Variants in LSM14A observed in about 807,000 individuals in gnomAD.
LSM14A encodes protein LSM14 homolog A.
LSM14A carries 14 observed loss-of-function variants against 52.4 expected under a neutral mutation model. That is an observed-to-expected ratio of 0.27 (90% CI 0.18 to 0.42). LSM14A has a LOEUF of 0.42. Among genes scored for constraint, LSM14A ranks in the 10% least tolerant of loss-of-function variants. LSM14A has a pLI of 1.00. For synonymous variants in LSM14A, 185 were observed against 200.3 expected, an observed-to-expected ratio of 0.92 and a Z score of 0.64; for missense variants, 417 against 581.8, an observed-to-expected ratio of 0.72 and a Z score of 2.91.
intron 1 of LSM14A, among the ~76,000 whole-genome samples, chr19:34,175,117 T>C (rs900126471): frequency 6.6e-6 from 1 of 152,152 alleles, no homozygotes; most frequent in African/African-American, 2.4e-5. Context: ...CTTTGTGTCA[T>C]GACTTGATAA....
Position 34,217,615 on chromosome 19 carries a change from CCG to C in LSM14A, c.782-1775_782-1774del, listed in dbSNP as rs1568498289. On this transcript the variant is annotated intron_variant, in intron 6 of 9. Coordinates refer to ENST00000544216, the MANE Select transcript of LSM14A (RefSeq NM_015578.4). ...ATATATATTTTTATATCCCCCCCCCCCGTGTTTTTTTTTTTTTTTTTTTTTTT... is the reference window on the plus strand; with the variant it reads ...ATATATATTTTTATATCCCCCCCCCCTGTTTTTTTTTTTTTTTTTTTTTTT... 3.4e-3 allele frequency among the ~76,000 whole-genome samples: 87 copies of C among 25,504 alleles called. 6 individuals are homozygous for C. Among genetic ancestry groups the C allele is most frequent in the African/African-American group, 4.1e-3 (20 of 4,852 alleles). The allele number at this position is 25,504 out of a possible 152,430, so 16.7% of individuals were successfully genotyped here.
At chr19:34,199,979 C>T (rs1225958845) in intron 3 of LSM14A, among the ~76,000 whole-genome samples, 5 of 152,190 alleles carry the variant, frequency 3.3e-5, no homozygotes, top group African/African-American at 1.2e-4. Context: ...GTAACACAGA[C>T]ATCTGGTGGT....
At chr19:34,192,310 C>CTTTTTTTTTTT (rs1568479681) in intron 1 of LSM14A, among the ~76,000 whole-genome samples, 8 of 51,648 alleles carry the variant, frequency 1.5e-4, no homozygotes, top group Non-Finnish European at 2.9e-4. Context: ...AAATAACATT[C>CTTTTTTTTTTT]TTTTTGTTGT....
intron 1 of LSM14A, among the ~76,000 whole-genome samples, chr19:34,188,660 G>A (rs1422673324): frequency 6.6e-6 from 1 of 151,938 alleles, no homozygotes; most frequent in Admixed American, 6.6e-5. Context: ...CTGTCTCCAT[G>A]GTTTTTCCTA....
intron 8 of LSM14A, among the ~76,000 whole-genome samples, chr19:34,221,184 G>C (rs1276917655): frequency 6.6e-6 from 1 of 151,514 alleles, no homozygotes; most frequent in Non-Finnish European, 1.5e-5. Context: ...CCAGGTTCAG[G>C]TGATTCTCCT....
chr19:34,204,697 G>A (rs183823896), intron 3 of LSM14A, among the ~76,000 whole-genome samples: 21 of 152,188 alleles, frequency 1.4e-4, no homozygotes, highest in South Asian at 8.3e-4. Context: ...CAGGAAAGGC[G>A]ACAGAGCTAG....
chr19:34,205,294 C>T (rs1248897222), intron 3 of LSM14A, among the ~76,000 whole-genome samples: 1 of 151,654 alleles, frequency 6.6e-6, no homozygotes, highest in Non-Finnish European at 1.5e-5. Flanking sequence ...CGAGACCAGC[C>T]TGGCCAACAT....
At chr19:34,225,306 C>T (rs1394211366) in intron 9 of LSM14A, among the ~76,000 whole-genome samples, 1 of 152,168 alleles carries the variant, frequency 6.6e-6, no homozygotes, top group Non-Finnish European at 1.5e-5. Flanking sequence ...GCCCCGAACC[C>T]AGCAGCCCTA....
At chr19:34,209,076 T>C in intron 4 of LSM14A, 25 bp downstream of exon 4, 1 of 1,529,262 alleles carries the variant, frequency 6.5e-7, no homozygotes, top group African/African-American at 1.4e-5. Flanking sequence ...CCCTAAAATA[T>C]TTCCATTCTA....
chr19:34,194,268 G>C (rs986342409), intron 1 of LSM14A, among the ~76,000 whole-genome samples: 1 of 152,134 alleles, frequency 6.6e-6, no homozygotes, highest in African/African-American at 2.4e-5. Flanking sequence ...TCATAATACA[G>C]ATAGTCTTTT....
chr19:34,224,664 C>T (rs2073247557), intron 9 of LSM14A, among the ~76,000 whole-genome samples: 1 of 152,174 alleles, frequency 6.6e-6, no homozygotes, highest in Non-Finnish European at 1.5e-5. Context: ...GAGGATCCCA[C>T]TTGATATATT....
intron 3 of LSM14A, among the ~76,000 whole-genome samples, chr19:34,204,481 G>A (rs2071535336): frequency 6.6e-6 from 1 of 151,826 alleles, no homozygotes; most frequent in African/African-American, 2.4e-5. Flanking sequence ...GGTGGCCAAG[G>A]TGGGAGGATC....
intron 1 of LSM14A, among the ~76,000 whole-genome samples, chr19:34,190,886 G>T (rs143637586): frequency 0.024 from 3,681 of 151,706 alleles, 63 homozygotes; most frequent in Non-Finnish European, 0.035. Context: ...TTTTTTGTTT[G>T]TTTGTTTTGT....
Position 34,196,617 on chromosome 19 carries a change from T to C in LSM14A, c.286-17T>C. The C allele has an allele frequency of 6.3e-7, 1 of 1,578,106 alleles. No individual in the cohort carries two copies. On this transcript the variant is annotated splice_polypyrimidine_tract_variant and intron_variant, in intron 2 of 9. Coordinates refer to ENST00000544216, the MANE Select transcript of LSM14A (RefSeq NM_015578.4). ...GTTGCTTAGAGCTTGGAAACATAAC[T>C]CATGATTTTCCTTCAGTCCTCACTA...
chr19:34,209,145 C>T (rs1017482568), intron 4 of LSM14A, 94 bp downstream of exon 4: 86 of 1,085,016 alleles, frequency 7.9e-5, no homozygotes, highest in Non-Finnish European at 1.1e-4. Context: ...TTGTAAATCG[C>T]GTGTATAATT....
In LSM14A at chr19:34,214,729, G is replaced by C. The variant is rs528920550; in HGVS notation, c.539-395G>C. 7.9e-5 allele frequency among the ~76,000 whole-genome samples: 12 copies of C among 152,134 alleles called. No homozygotes were observed. In the South Asian group the frequency reaches 2.5e-3, roughly 32 times the overall value. ...TTAAAACAAGTCACCATAGTCTTATGGTTGTCATTGGCGAAAGCCTGTGTT... is the reference window on the plus strand; with the variant it reads ...TTAAAACAAGTCACCATAGTCTTATCGTTGTCATTGGCGAAAGCCTGTGTT... On this transcript the variant is annotated intron_variant, in intron 4 of 9. Coordinates refer to ENST00000544216, the MANE Select transcript of LSM14A (RefSeq NM_015578.4).
chr19:34,222,977 CACTG>C (rs2073143484), intron 9 of LSM14A, among the ~76,000 whole-genome samples: 1 of 152,312 alleles, frequency 6.6e-6, no homozygotes, highest in African/African-American at 2.4e-5. Flanking sequence ...CAATATTTGA[CACTG>C]ACCAACCACC....
chr19:34,216,546 G>A (rs533903670), intron 6 of LSM14A, among the ~76,000 whole-genome samples: 33 of 151,834 alleles, frequency 2.2e-4, no homozygotes, highest in Non-Finnish European at 4.0e-4. Context: ...GGCAGCCTCC[G>A]CCTCCCGGGT....
At chr19:34,177,605 G>T (rs976428400) in intron 1 of LSM14A, among the ~76,000 whole-genome samples, 2 of 152,138 alleles carry the variant, frequency 1.3e-5, no homozygotes, top group Non-Finnish European at 1.5e-5. Flanking sequence ...AAAACATCCC[G>T]GCTGGGCAGG....
Sources: allele counts gnomAD v4.1 joint callset (sites outside exome capture counted in the v4.1 genomes callset), GRCh38; gene constraint gnomAD v4.1.1; transcripts MANE v1.5; gene names NCBI Gene and HGNC (gene_info 2026-07-23, HGNC 2026-07-21).